Variants in HERC3 observed in about 807,000 individuals in gnomAD.
HERC3 encodes the protein HECT and RLD domain containing E3 ubiquitin protein ligase 3.
Under a neutral mutation model 129.9 loss-of-function variants are expected in HERC3, and 58 were observed. That is an observed-to-expected ratio of 0.45 (90% confidence interval 0.36 to 0.56). The LOEUF is 0.56. Ranked by LOEUF, HERC3 falls within the 20% of genes least tolerant of loss-of-function variation. HERC3 has a pLI of 0.00. For synonymous variants in HERC3, 430 were observed against 451.0 expected (o/e 0.95, Z 0.59); for missense variants, 835 against 1,244.2 (o/e 0.67, Z 4.95).
intron 2 of HERC3, among the ~76,000 whole-genome samples, chr4:88,604,713 T>C (rs1396035922): frequency 2.0e-5 from 3 of 152,252 alleles, no homozygotes; most frequent in Non-Finnish European, 2.9e-5. Flanking sequence ...TATAATGCTG[T>C]TGTGAACATT....
chr4:88,680,461 G>A (rs1435824077), intron 20 of HERC3, among the ~76,000 whole-genome samples: 1 of 152,166 alleles, frequency 6.6e-6, no homozygotes, highest in Admixed American at 6.5e-5. Flanking sequence ...TTTCTAGTAG[G>A]TAAGATCCAA....
chr4:88,604,423 A>G (rs1359238477), intron 2 of HERC3, among the ~76,000 whole-genome samples: 1 of 152,160 alleles, frequency 6.6e-6, no homozygotes, highest in African/African-American at 2.4e-5. Context: ...ACCACTTTCC[A>G]AAAGGGCAGG....
intron 10 of HERC3, among the ~76,000 whole-genome samples, chr4:88,659,724 A>C (rs1338841999): frequency 2.6e-5 from 4 of 152,250 alleles, no homozygotes; most frequent in Admixed American, 2.0e-4. Context: ...GTCCATAAGT[A>C]ATAGAGTTTT....
At chr4:88,655,854 A>C in intron 8 of HERC3, 21 bp from the exon 9 acceptor site, 1 of 1,600,286 alleles carries the variant, frequency 6.2e-7, no homozygotes. Context: ...TATGCTGATG[A>C]GTTAAATTAT....
chr4:88,631,302 A>G (rs886142827), intron 3 of HERC3, among the ~76,000 whole-genome samples: 3 of 152,130 alleles, frequency 2.0e-5, no homozygotes, highest in African/African-American at 7.2e-5. Context: ...TAAAAATGCA[A>G]AAATTAGCCA....
At chr4:88,684,958 A>G (rs1426958025) in intron 21 of HERC3, 1 of 152,380 alleles carries the variant, frequency 6.6e-6, no homozygotes, top group Non-Finnish European at 1.5e-5. Context: ...CGAGCACAAA[A>G]GAAGACATTT....
chr4:88,572,548 C>G, the HERC3 span, among the ~76,000 whole-genome samples: 3 of 151,954 alleles, frequency 2.0e-5, no homozygotes, highest in Non-Finnish European at 4.4e-5. Flanking sequence ...TGGTGGCTCA[C>G]ACCTGTAGTC....
intron 3 of HERC3, among the ~76,000 whole-genome samples, chr4:88,646,575 A>G (rs1256079226): frequency 6.6e-6 from 1 of 152,220 alleles, no homozygotes; most frequent in African/African-American, 2.4e-5. Context: ...TTGAGGTTCC[A>G]TCATCATCTG....
chr4:88,548,078 G>A, the HERC3 span, among the ~76,000 whole-genome samples: 19 of 152,184 alleles, frequency 1.2e-4, no homozygotes, highest in East Asian at 3.9e-4. Flanking sequence ...TGGATATACC[G>A]TATTTTATTC....
intron 2 of HERC3, among the ~76,000 whole-genome samples, chr4:88,603,909 G>T (rs903616292): frequency 1.3e-5 from 2 of 152,154 alleles, no homozygotes; most frequent in Non-Finnish European, 2.9e-5. Flanking sequence ...ACTCAAGAAA[G>T]CCTTGTTGGC....
upstream of HERC3, among the ~76,000 whole-genome samples, chr4:88,591,790 T>TGGC (rs1223572687): frequency 2.6e-5 from 4 of 152,114 alleles, no homozygotes; most frequent in African/African-American, 9.7e-5. Context: ...CCACAGAGTG[T>TGGC]CTTTCAGATT....
chr4:88,697,136 C>T (rs1057191606), intron 23 of HERC3: 11 of 1,414,944 alleles, frequency 7.8e-6, no homozygotes, highest in South Asian at 4.8e-5. Context: ...TTAAGTCCAT[C>T]GATATTCTGG....
intron 24 of HERC3, 44 bp from the exon 25 acceptor site, chr4:88,704,464 A>T: frequency 2.9e-6 from 4 of 1,380,280 alleles, no homozygotes; most frequent in Non-Finnish European, 3.1e-6. Flanking sequence ...CCACTATAAT[A>T]TTCTTCCAAG....
At chr4:88,529,700 G>A in the HERC3 span, among the ~76,000 whole-genome samples, 1 of 151,592 alleles carries the variant, frequency 6.6e-6, no homozygotes, top group Non-Finnish European at 1.5e-5. Context: ...GCTGCAGTGA[G>A]CTGAGATCAC....
intron 2 of HERC3, among the ~76,000 whole-genome samples, chr4:88,596,103 C>T (rs1054896745): frequency 6.6e-6 from 1 of 152,124 alleles, no homozygotes; most frequent in Non-Finnish European, 1.5e-5. Flanking sequence ...CCTGCCTCGG[C>T]CTTCCAAAGT....
At chr4:88,650,137 C>A in intron 4 of HERC3, 138 bp downstream of exon 4, 1 of 794,612 alleles carries the variant, frequency 1.3e-6, no homozygotes, top group Non-Finnish European at 1.9e-6. Flanking sequence ...ACTATTAAAA[C>A]ACTTGTCACA....
At chr4:88,638,173 C>G (rs772644058) in intron 3 of HERC3, among the ~76,000 whole-genome samples, 2 of 152,182 alleles carry the variant, frequency 1.3e-5, no homozygotes, top group African/African-American at 2.4e-5. Context: ...CAAAGAGGAG[C>G]TGGTATCATT....
At chr4:88,551,905 T>C in the HERC3 span, among the ~76,000 whole-genome samples, 2 of 152,110 alleles carry the variant, frequency 1.3e-5, no homozygotes, top group African/African-American at 2.4e-5. Flanking sequence ...CAATGATAGA[T>C]TGGACTTAGA....
chr4:88,612,965 C>G (rs898418009), intron 3 of HERC3, among the ~76,000 whole-genome samples: 1 of 152,176 alleles, frequency 6.6e-6, no homozygotes, highest in East Asian at 1.9e-4. Context: ...TACCATGCCT[C>G]TCATATTCCT....
Sources: gnomAD v4.1 joint callset for allele counts (sites outside exome capture counted in the v4.1 genomes callset) on GRCh38, gnomAD v4.1.1 for gene constraint, MANE v1.5 for transcripts, NCBI Gene and HGNC (gene_info 2026-07-23, HGNC 2026-07-21) for gene names.